DDX19B: variants seen among roughly 807,000 people sequenced by gnomAD.
DDX19B encodes ATP-dependent RNA helicase DDX19B.
Under a neutral mutation model 58.1 loss-of-function variants are expected in DDX19B, and 27 were observed. The ratio of observed to expected loss-of-function variants is 0.46; its 90% confidence interval spans 0.34 to 0.64. The LOEUF is 0.64. Among genes scored for constraint, DDX19B ranks in the 30% least tolerant of loss-of-function variants. DDX19B has a pLI of 0.01. For missense variants in DDX19B, 399 were observed against 596.5 expected (o/e 0.67, Z 3.45); for synonymous variants, 187 against 214.4 (o/e 0.87, Z 1.12).
chr16:70,326,446 G>C (rs1012504585), intron 7 of DDX19B, among the ~76,000 whole-genome samples: 17 of 152,184 alleles, frequency 1.1e-4, no homozygotes, highest in African/African-American at 4.1e-4. Flanking sequence ...CACTGCACTC[G>C]AGCCTGGGCG....
Position 70,329,317 on chromosome 16 carries a change from G to T in DDX19B, c.633G>T (p.Glu211Asp), listed in dbSNP as rs753674711. ...TGGAAAGAGGCCAGAAGATCAGTGAGCAGATTGTCATTGGCACCCCTGGGA... is the reference window on the plus strand; with the variant it reads ...TGGAAAGAGGCCAGAAGATCAGTGATCAGATTGTCATTGGCACCCCTGGGA... ...NKLERGQKIS[E>D]QIVIGTPGTV... Residue 211 changes from glutamate (E) to aspartate (D), a missense_variant, in exon 8 of 12, where the codon GAG (glutamate) becomes GAT (aspartate). This residue lies in a region of DDX19B where 67 missense variants were observed against 74.3 expected (regional missense o/e 0.90). Coordinates refer to ENST00000288071, the MANE Select transcript of DDX19B (RefSeq NM_007242.7). 31 of 1,613,950 alleles carry T rather than the reference G, an allele frequency of 1.9e-5. No homozygotes were observed. The highest frequency in any genetic ancestry group is 2.6e-5 in the Non-Finnish European group (31 of 1,179,982).
At chr16:70,329,766 G>T in intron 8 of DDX19B, 65 bp from the exon 9 acceptor site, 1 of 1,601,848 alleles carries the variant, frequency 6.2e-7, no homozygotes, top group Non-Finnish European at 8.5e-7. Flanking sequence ...TCCCAGCTGG[G>T]AAGGCTGTGC....
chr16:70,313,978 G>A (rs1199710186), intron 2 of DDX19B, among the ~76,000 whole-genome samples: 1 of 151,874 alleles, frequency 6.6e-6, no homozygotes, highest in African/African-American at 2.4e-5. Flanking sequence ...GTGTGGTGGT[G>A]CACCCCTGTA....
upstream of DDX19B, among the ~76,000 whole-genome samples, chr16:70,293,597 ATTTTTTTTTT>A (rs71151182): frequency 1.4e-4 from 11 of 77,020 alleles, no homozygotes; most frequent in East Asian, 7.5e-4. Context: ...GGATGGCTGA[ATTTTTTTTTT>A]TTTTTTTTTT....
intron 2 of DDX19B, 72 bp from the exon 3 acceptor site, chr16:70,314,830 T>C (rs1265956725): frequency 4.5e-6 from 7 of 1,555,386 alleles, no homozygotes; most frequent in African/African-American, 1.4e-5. Flanking sequence ...TCTAGTGTCA[T>C]AGAATTTGAA....
chr16:70,315,031 T>C (rs983026861), intron 3 of DDX19B, 76 bp downstream of exon 3: 1 of 1,512,712 alleles, frequency 6.6e-7, no homozygotes, highest in Middle Eastern at 1.9e-4. Context: ...AGGCTTCATT[T>C]TTATACCCAG....
chr16:70,315,559 A>T (rs7205416), intron 3 of DDX19B: 1,673 of 158,536 alleles, frequency 0.011, 25 homozygotes, highest in African/African-American at 0.038. Context: ...TGTTATTTTG[A>T]CACATTTGAC....
Position 70,331,826 on chromosome 16 carries a change from T to A in DDX19B, c.1128T>A (p.Ile376=), listed in dbSNP as rs1456279982. 6.2e-7 allele frequency: 1 copy of A among 1,614,070 alleles called. No individual in the cohort carries two copies. Residue 376 remains isoleucine (I), a synonymous_variant, in exon 10 of 12, where the codon ATT becomes ATA. Transcript: ENST00000288071. ...TGGTGGAACAGAGGGCTGCAGTGAT[T>A]GAGCGCTTCCGAGAGGGCAAAGAGA... ...EMMVEQRAAV[I]ERFREGKEKV...
intron 1 of DDX19B, 127 bp downstream of exon 1, chr16:70,299,481 C>T: frequency 3.5e-6 from 4 of 1,158,810 alleles, no homozygotes; most frequent in East Asian, 2.9e-5. Flanking sequence ...GGGATGGAGC[C>T]TGGACCCTGA....
At chr16:70,310,114 G>C (rs1962006713) in intron 1 of DDX19B, among the ~76,000 whole-genome samples, 1 of 152,046 alleles carries the variant, frequency 6.6e-6, no homozygotes, top group Non-Finnish European at 1.5e-5. Context: ...TGGGCGCAGT[G>C]GCTCATGCCT....
At chr16:70,304,648 C>T (rs1597466300) in intron 1 of DDX19B, among the ~76,000 whole-genome samples, 2 of 152,220 alleles carry the variant, frequency 1.3e-5, no homozygotes, top group African/African-American at 4.8e-5. Context: ...GCTGGGATTA[C>T]AGGCGTGAAC....
chr16:70,309,024 C>T (rs1961931419), intron 1 of DDX19B, among the ~76,000 whole-genome samples: 1 of 152,002 alleles, frequency 6.6e-6, no homozygotes. Context: ...AGGATTTTTA[C>T]TGCTTTATAA....
intron 7 of DDX19B, 49 bp from the exon 8 acceptor site, chr16:70,329,243 A>AG (rs781197512): frequency 4.0e-6 from 6 of 1,500,198 alleles, no homozygotes; most frequent in Non-Finnish European, 5.4e-6. Flanking sequence ...AAAAAAAAAA[A>AG]GAAAGAAAGA....
upstream of DDX19B, among the ~76,000 whole-genome samples, chr16:70,293,272 G>T (rs935827478): frequency 6.6e-6 from 1 of 151,638 alleles, no homozygotes; most frequent in Non-Finnish European, 1.5e-5. Flanking sequence ...ACAAAAATTA[G>T]CTGGGCATGG....
chr16:70,299,379 G>T lies in DDX19B; in HGVS notation c.57+25G>T, dbSNP rs761214693. On this transcript the variant is annotated intron_variant, in intron 1 of 11. Coordinates refer to ENST00000288071, the MANE Select transcript of DDX19B (RefSeq NM_007242.7). ...GGTGAGTTGGCTTCAGCCCTAAAAGGGTCAGGGGACTAGTTCTGGTCGGAG... is the reference window on the plus strand; with the variant it reads ...GGTGAGTTGGCTTCAGCCCTAAAAGTGTCAGGGGACTAGTTCTGGTCGGAG... The T allele has an allele frequency of 6.3e-6, 10 of 1,593,376 alleles. No homozygotes were observed. The African/African-American group carries it at 1.2e-4, about 19-fold the overall frequency.
chr16:70,317,882 T>C (rs942231701), intron 5 of DDX19B: 10 of 208,128 alleles, frequency 4.8e-5, no homozygotes, highest in Non-Finnish European at 1.9e-5. Context: ...GAGTTTGAGG[T>C]TGCAGTGAAC....
At chr16:70,305,882 T>TC (rs1961722529) in intron 1 of DDX19B, among the ~76,000 whole-genome samples, 1 of 152,058 alleles carries the variant, frequency 6.6e-6, no homozygotes, top group Non-Finnish European at 1.5e-5. Flanking sequence ...TGCCTCAGCT[T>TC]CCCGAGTAGC....
intron 1 of DDX19B, among the ~76,000 whole-genome samples, chr16:70,304,652 C>T (rs1015558253): frequency 4.6e-5 from 7 of 152,164 alleles, no homozygotes; most frequent in African/African-American, 7.2e-5. Flanking sequence ...GGATTACAGG[C>T]GTGAACCACC....
At chr16:70,326,638 G>A (rs1179428516) in intron 7 of DDX19B, among the ~76,000 whole-genome samples, 1 of 151,810 alleles carries the variant, frequency 6.6e-6, no homozygotes. Context: ...CCGGGTTCAA[G>A]TGATTCTCCT....
Sources: gnomAD v4.1 joint callset for allele counts (sites outside exome capture counted in the v4.1 genomes callset) on GRCh38, gnomAD v4.1.1 for gene constraint, gnomAD v4.1.1 regional missense constraint, MANE v1.5 for transcripts, NCBI Gene and HGNC (gene_info 2026-07-23, HGNC 2026-07-21) for gene names.